The following DORIP1 variants were observed in gnomAD, a reference collection of about 807,000 sequenced individuals.
DORIP1 encodes dopamine receptor interacting protein 1.
the DORIP1 span, chr14:44,906,699 T>G: frequency 6.6e-6 from 1 of 151,876 alleles, no homozygotes; most frequent in African/African-American, 2.5e-5. Context: ...TTTCAATAAA[T>G]AGTTCACTTC....
At chr14:44,903,944 CA>C in the DORIP1 span, 1 of 974,474 alleles carries the variant, frequency 1.0e-6, no homozygotes, top group Non-Finnish European at 1.2e-6. Context: ...CTGTATAATT[CA>C]ATATGTTATA....
chr14:44,900,569 C>T, the DORIP1 span: 1 of 1,611,834 alleles, frequency 6.2e-7, no homozygotes, highest in Non-Finnish European at 8.5e-7. Context: ...GTATCCTGTA[C>T]ACCACTCTAT....
the DORIP1 span, among the ~76,000 whole-genome samples, chr14:44,902,147 A>G: frequency 1.3e-5 from 2 of 152,168 alleles, no homozygotes; most frequent in Non-Finnish European, 2.9e-5. Flanking sequence ...AATTTGAAAT[A>G]TCAATCAATG....
the DORIP1 span, among the ~76,000 whole-genome samples, chr14:44,898,098 G>T: frequency 6.6e-6 from 1 of 152,170 alleles, no homozygotes; most frequent in Non-Finnish European, 1.5e-5. Context: ...CAAATTGGAG[G>T]GCCCGTAGAG....
chr14:44,903,551 C>G, the DORIP1 span: 2 of 1,076,550 alleles, frequency 1.9e-6, no homozygotes, highest in African/African-American at 3.3e-5. Flanking sequence ...TAACTGGAAC[C>G]CAGCTAATTG....
chr14:44,904,715 T>C, the DORIP1 span: 14 of 594,378 alleles, frequency 2.4e-5, no homozygotes, highest in South Asian at 4.7e-4. Flanking sequence ...ACATAGTGGG[T>C]AGGTGTGTGG....
At chr14:44,899,531 G>A in the DORIP1 span, among the ~76,000 whole-genome samples, 1 of 151,650 alleles carries the variant, frequency 6.6e-6, no homozygotes, top group Non-Finnish European at 1.5e-5. Flanking sequence ...GTCTTTCAAA[G>A]CTAAATGTCA....
chr14:44,898,609 A>T, the DORIP1 span, among the ~76,000 whole-genome samples: 1 of 152,236 alleles, frequency 6.6e-6, no homozygotes, highest in Non-Finnish European at 1.5e-5. Context: ...ACTGTTTTTT[A>T]AAATCTTTGT....
the DORIP1 span, chr14:44,904,446 C>G: frequency 6.2e-7 from 1 of 1,611,378 alleles, no homozygotes; most frequent in Non-Finnish European, 8.5e-7. Context: ...ATGGGGCACC[C>G]CCTTTTGTTG....
the DORIP1 span, among the ~76,000 whole-genome samples, chr14:44,902,267 C>T: frequency 6.6e-6 from 1 of 152,122 alleles, no homozygotes; most frequent in Non-Finnish European, 1.5e-5. Context: ...TGGCTCACTA[C>T]TTCAGCCTCT....
At chr14:44,907,205 G>T in the DORIP1 span, 1 of 152,552 alleles carries the variant, frequency 6.6e-6, no homozygotes, top group African/African-American at 2.4e-5. Flanking sequence ...TTAAAATCTT[G>T]ACTACCTTGA....
chr14:44,900,362 G>C, the DORIP1 span: 1 of 1,267,242 alleles, frequency 7.9e-7, no homozygotes, highest in South Asian at 2.2e-5. Context: ...ATTTATTTTC[G>C]TTTAAACATA....
chr14:44,904,583 G>C, the DORIP1 span: 6 of 1,478,826 alleles, frequency 4.1e-6, no homozygotes, highest in African/African-American at 8.6e-5. Context: ...AATTTATCCT[G>C]TTATATTATG....
chr14:44,903,646 A>C, the DORIP1 span: 1 of 993,664 alleles, frequency 1.0e-6, no homozygotes, highest in Non-Finnish European at 1.2e-6. Flanking sequence ...AACCTAGTAA[A>C]AGTTGAGAGA....
chr14:44,900,581 T>C, the DORIP1 span: 5 of 1,611,362 alleles, frequency 3.1e-6, no homozygotes, highest in Middle Eastern at 3.3e-4. Flanking sequence ...CCACTCTATG[T>C]TGAAATAAGA....
chr14:44,903,430 C>A, the DORIP1 span: 2 of 1,431,686 alleles, frequency 1.4e-6, no homozygotes, highest in South Asian at 3.2e-5. Flanking sequence ...GTTTTTGTTA[C>A]GGAGTATATC....
the DORIP1 span, chr14:44,903,504 C>CA: frequency 8.6e-7 from 1 of 1,162,612 alleles, no homozygotes; most frequent in Non-Finnish European, 1.1e-6. Flanking sequence ...TTCTTTTTTC[C>CA]CCCCCCACTG....
chr14:44,897,501 G>T, the DORIP1 span: 1 of 205,362 alleles, frequency 4.9e-6, no homozygotes, highest in Non-Finnish European at 9.5e-6. Context: ...CGGCAGCCCG[G>T]GCTCTCCATG....
the DORIP1 span, chr14:44,903,208 C>T: frequency 6.2e-7 from 1 of 1,602,656 alleles, no homozygotes; most frequent in Non-Finnish European, 8.5e-7. Context: ...TTATTATAGT[C>T]CTCCCCAAGA....
Sources: gnomAD v4.1 joint callset for allele counts (sites outside exome capture counted in the v4.1 genomes callset) on GRCh38, gnomAD v4.1.1 for gene constraint, MANE v1.5 for transcripts, NCBI Gene and HGNC (gene_info 2026-07-23, HGNC 2026-07-21) for gene names.